TRIM6: variants seen among roughly 807,000 people sequenced by gnomAD.
The protein encoded by TRIM6 is tripartite motif containing 6, also known as tripartite motif-containing protein 6.
Under a neutral mutation model 51.2 loss-of-function variants are expected in TRIM6, and 43 were observed. The observed-to-expected ratio is 0.84, with a 90% CI of 0.66 to 1.08. The LOEUF is 1.08. Ranked by LOEUF, TRIM6 falls within the 50% of genes least tolerant of loss-of-function variation. The pLI, the probability that TRIM6 is intolerant of heterozygous loss-of-function variation, is 0.00. For synonymous variants in TRIM6, 215 were observed against 232.4 expected, an observed-to-expected ratio of 0.93 and a Z score of 0.68; for missense variants, 669 against 619.0, an observed-to-expected ratio of 1.08 and a Z score of -0.86.
At chr11:5,606,019 C>T (rs1200964474) in intron 4 of TRIM6, among the ~76,000 whole-genome samples, 1 of 152,170 alleles carries the variant, frequency 6.6e-6, no homozygotes, top group Non-Finnish European at 1.5e-5. Flanking sequence ...GACATTGCCA[C>T]GATAGCCCCA....
At position 5,610,729 on chromosome 11, in the gene TRIM6, G is replaced by A. The variant is rs138709290; in HGVS notation, c.986-48G>A. The A allele has an allele frequency of 5.4e-3, 8,556 of 1,595,572 alleles. 29 individuals carry two copies. The highest frequency in any genetic ancestry group is 6.6e-3 in the Non-Finnish European group (7,698 of 1,168,708). On this transcript the variant is annotated intron_variant, in intron 7 of 7. Transcript: ENST00000380097. ...GTGTTTCCTCTTCTCAGCATAACGA[G>A]ACCCATGTCCCCGTTCTCATCTGCT...
intron 1 of TRIM6, among the ~76,000 whole-genome samples, chr11:5,602,598 A>C (rs531885956): frequency 6.6e-6 from 1 of 151,940 alleles, no homozygotes; most frequent in African/African-American, 2.4e-5. Context: ...AAATGCAAAA[A>C]TCCTGAGGCA....
At chr11:5,606,868 C>A (rs1848241111) in intron 4 of TRIM6, among the ~76,000 whole-genome samples, 1 of 152,180 alleles carries the variant, frequency 6.6e-6, no homozygotes, top group Admixed American at 6.5e-5. Flanking sequence ...AGACATTGTT[C>A]TTTCTCTTTT....
At chr11:5,610,725 A>G (rs1423575117) in intron 7 of TRIM6, 52 bp from the exon 8 acceptor site, 17 of 1,593,210 alleles carry the variant, frequency 1.1e-5, no homozygotes, top group Non-Finnish European at 1.5e-5. Context: ...TCTCAGCATA[A>G]CGAGACCCAT....
In TRIM6 at chr11:5,605,496, A is replaced by T. The variant is rs762783368; in HGVS notation, c.763A>T (p.Thr255Ser). ...GGCTGAGAATGATCTGGTCCACCAG[A>T]CCCAGTCGCTGCGAGAGCTCATCTC... Reference protein sequence around the residue: ...EEAENDLVHQTQSLRELISDL... With the variant: ...EEAENDLVHQSQSLRELISDL... The change falls in exon 4 of 8, where the codon ACC (threonine) becomes TCC (serine). Residue 255 changes from threonine (T) to serine (S), a missense_variant. Thr to Ser is a moderately conservative substitution (Grantham distance 58, BLOSUM62 1). Transcript: ENST00000380097. The T allele has an allele frequency of 1.9e-6, 3 of 1,614,136 alleles. No individual in the cohort carries two copies. In the Admixed American group the frequency reaches 5.0e-5, roughly 27 times the overall value.
chr11:5,601,487 G>A (rs551460131), intron 1 of TRIM6, among the ~76,000 whole-genome samples: 22 of 152,254 alleles, frequency 1.4e-4, no homozygotes, highest in African/African-American at 4.6e-4. Context: ...GCTGGGCGCA[G>A]TGGCTCACGC....
rs749408740 is a variant in TRIM6 at position 5,611,039 on chromosome 11, TCA to T, written c.1251_1252del (p.His417GlnfsTer20). 6.8e-6 allele frequency: 11 copies of T among 1,614,076 alleles called. No homozygotes were observed. In the South Asian group the frequency reaches 1.1e-4, roughly 16 times the overall value. ...TFSFNHFAQN[H>X]SAYSRYQPQS... ...TCTCTTTCAACCATTTTGCTCAAAA[TCA>T]CAGTGCTTACTCCAGGTATCAGCCT... On this transcript the variant is annotated frameshift_variant, in exon 8 of 8. Transcript: ENST00000380097. LOFTEE classifies it high-confidence loss of function.
intron 1 of TRIM6, among the ~76,000 whole-genome samples, chr11:5,597,280 CAG>C (rs1270261704): frequency 6.6e-6 from 1 of 152,110 alleles, no homozygotes; most frequent in East Asian, 1.9e-4. Context: ...TTGAGTGAGA[CAG>C]ATTTAAACAC....
At position 5,611,478 on chromosome 11, in the gene TRIM6, G is replaced by A. The variant is rs1848574152; in HGVS notation, c.*136G>A. ...TGGTTTTTGAATCTTTTTTGAGATG[G>A]AATCTCGCTCTGTCGCCCAGGCTGG... On this transcript the variant is annotated 3_prime_UTR_variant, in exon 8 of 8. Transcript: ENST00000380097. The A allele has an allele frequency of 1.2e-6, 1 of 807,538 alleles. No homozygotes were observed. Among genetic ancestry groups the A allele is most frequent in the Admixed American group, 2.6e-5 (1 of 38,620 alleles). The allele number at this position is 807,538 out of a possible 1,614,324, so 50.0% of individuals were successfully genotyped here.
chr11:5,596,819 G>A lies in TRIM6; in HGVS notation c.-79G>A, dbSNP rs1014638737. ...GCTCTGTTCCTTAAGATTAGTTTAA[G>A]GTGCCTTGGATTGCTCTGAAGAGCT... On this transcript the variant is annotated 5_prime_UTR_variant, in exon 1 of 8. Transcript: ENST00000380097. 8 of 1,610,462 alleles carry A rather than the reference G, an allele frequency of 5.0e-6. No homozygotes were observed. In the African/African-American group the frequency reaches 1.1e-4, roughly 22 times the overall value.
chr11:5,599,774 C>A (rs561708936), intron 1 of TRIM6, among the ~76,000 whole-genome samples: 1 of 152,286 alleles, frequency 6.6e-6, no homozygotes, highest in South Asian at 2.1e-4. Context: ...GTGCCAACAT[C>A]AAGGCCAACT....
chr11:5,602,033 A>G (rs1161022143), intron 1 of TRIM6, among the ~76,000 whole-genome samples: 2 of 152,174 alleles, frequency 1.3e-5, no homozygotes, highest in Non-Finnish European at 2.9e-5. Context: ...CCTATATGTC[A>G]GGCTCTATGC....
chr11:5,606,768 A>G (rs1848235701), intron 4 of TRIM6, among the ~76,000 whole-genome samples: 1 of 152,196 alleles, frequency 6.6e-6, no homozygotes, highest in African/African-American at 2.4e-5. Flanking sequence ...TAGTTTAGAC[A>G]CTTCCACATT....
At chr11:5,602,285 C>CA (rs201507741) in intron 1 of TRIM6, among the ~76,000 whole-genome samples, 2,259 of 151,326 alleles carry the variant, frequency 0.015, 66 homozygotes, top group African/African-American at 0.052. Context: ...CTAAAAAATA[C>CA]AAAAAAAATT....
At position 5,610,918 on chromosome 11, in the gene TRIM6, A is replaced by G. The variant is rs139191411; in HGVS notation, c.1127A>G (p.Gln376Arg). The change falls in exon 8 of 8, where the codon CAG becomes CGG. Residue 376 changes from glutamine to arginine, a missense_variant. Transcript: ENST00000380097. ...KHYDCSVLGS[Q>R]HFSSGKHYWE... ...TATGACTGTAGTGTCCTGGGCTCCCAGCACTTCTCCTCTGGTAAGCATTAC... is the reference window on the plus strand; with the variant it reads ...TATGACTGTAGTGTCCTGGGCTCCCGGCACTTCTCCTCTGGTAAGCATTAC... 13 of 1,614,182 alleles carry G rather than the reference A, an allele frequency of 8.1e-6. No individual in the cohort carries two copies. Among genetic ancestry groups the G allele is most frequent in the Non-Finnish European group, 1.0e-5 (12 of 1,180,032 alleles).
Position 5,603,682 on chromosome 11 carries a change from G to A in TRIM6, c.454G>A (p.Glu152Lys). The part of the protein sequence containing the change: ...VICWLCERSQ[E>K]HRGHHTFLVE... ...TTGCTGGCTTTGTGAGCGGTCTCAG[G>A]AGCACCGTGGTCACCACACGTTCCT... is the stretch of plus-strand genomic sequence containing the variant. Residue 152 changes from glutamate to lysine, a missense_variant, in exon 2 of 8, where the codon GAG becomes AAG. By Grantham distance (56) the Glu-to-Lys change is moderately conservative (BLOSUM62 1). Transcript: ENST00000380097. The A allele has an allele frequency of 6.2e-7, 1 of 1,613,322 alleles. No homozygotes were observed. Among genetic ancestry groups the A allele is most frequent in the African/African-American group, 1.3e-5 (1 of 74,804 alleles).
At chr11:5,601,177 C>T (rs973121925) in intron 1 of TRIM6, among the ~76,000 whole-genome samples, 2 of 152,150 alleles carry the variant, frequency 1.3e-5, no homozygotes, top group Non-Finnish European at 2.9e-5. Flanking sequence ...TTCCATACTT[C>T]GAAAGCACTT....
rs1288063465 is a variant in TRIM6 at position 5,611,027 on chromosome 11, T to C, written c.1236T>C (p.His412=). The change falls in exon 8 of 8, where the codon CAT becomes CAC. Residue 412 remains histidine (H), a synonymous_variant. Coordinates refer to ENST00000380097, the MANE Select transcript of TRIM6 (RefSeq NM_001003818.3). ...TGGGACCTACATTCTCTTTCAACCA[T>C]TTTGCTCAAAATCACAGTGCTTACT... ...NSLGPTFSFN[H]FAQNHSAYSR... The C allele has an allele frequency of 1.2e-6, 2 of 1,614,158 alleles. No homozygotes were observed. The highest frequency in any genetic ancestry group is 2.7e-5 in the African/African-American group (2 of 75,026).
rs1361211184 is a variant in TRIM6 at position 5,612,256 on chromosome 11, T to C, written c.*914T>C. On this transcript the variant is annotated 3_prime_UTR_variant, in exon 8 of 8. Transcript: ENST00000380097. ...TGCAATAATAAGCAAATAAATTACT[T>C]TGTTTTTGTATAAGTATGTATAGGA... 6.6e-6 allele frequency: 1 copy of C among 152,234 alleles called. No individual in the cohort carries two copies. Among genetic ancestry groups the C allele is most frequent in the African/African-American group, 2.4e-5 (1 of 41,458 alleles). 9.4% of individuals were successfully genotyped at this position (152,234 alleles called of 1,614,324 possible).
Sources: gnomAD v4.1 joint callset for allele counts (sites outside exome capture counted in the v4.1 genomes callset) on GRCh38, gnomAD v4.1.1 for gene constraint, MANE v1.5 for transcripts, NCBI Gene and HGNC (gene_info 2026-07-23, HGNC 2026-07-21) for gene names.